ADAMTS7: variants seen among roughly 807,000 people sequenced by gnomAD.
ADAMTS7 encodes A disintegrin and metalloproteinase with thrombospondin motifs 7.
Under a neutral mutation model 172.6 loss-of-function variants are expected in ADAMTS7, and 89 were observed. The ratio of observed to expected loss-of-function variants is 0.52; its 90% CI spans 0.43 to 0.61. ADAMTS7 has a LOEUF of 0.61. Among genes scored for constraint, ADAMTS7 ranks in the 20% least tolerant of loss-of-function variants. ADAMTS7 has a pLI of 0.00. For missense variants in ADAMTS7, 1,973 were observed against 2,355.6 expected (o/e 0.84, Z 3.36); for synonymous variants, 885 against 978.4 (o/e 0.90, Z 1.78).
chr15:78,777,617 G>A (rs1456487991), intron 8 of ADAMTS7, 29 bp from the exon 9 acceptor site: 2 of 1,586,864 alleles, frequency 1.3e-6, no homozygotes, highest in Non-Finnish European at 1.7e-6. Context: ...GATGGAGGGG[G>A]GCGCAGCCTG....
intron 23 of ADAMTS7, 167 bp downstream of exon 23, chr15:78,762,236 A>G (rs1387299706): frequency 1.3e-6 from 1 of 766,210 alleles, no homozygotes; most frequent in Non-Finnish European, 1.6e-6. Context: ...AGCCTCCAGC[A>G]TGGCATCCTG....
rs763399654 is a variant in ADAMTS7, at chr15:78,766,556, C to A, written c.3355G>T (p.Ala1119Ser). 22 of 1,601,538 alleles carry A rather than the reference C, an allele frequency of 1.4e-5. No individual in the cohort carries two copies. The Admixed American group carries it at 2.9e-4, about 21-fold the overall frequency. ...GGTCCCAGTACCCCCTCCTCCTTGG[C>A]TGCAGGAGGCTCTGTGGCAGGCACG... ...SPVPATEPPAAKEEGVLGPWS... is the reference protein window; with the variant it reads ...SPVPATEPPASKEEGVLGPWS... Residue 1119 changes from alanine (A) to serine (S), a missense_variant, in exon 19 of 24, where the codon GCC becomes TCC. Around this residue, in one of 8 missense-constraint regions of ADAMTS7, gnomAD observed 771 missense variants for 952.6 expected, o/e 0.81. Transcript: ENST00000388820.
rs1363055055 is a variant in ADAMTS7 at position 78,771,316 on chromosome 15, G to C, written c.2377-13C>G. ...CCTGGAACAGCAGCTGGGTGGGCAGGCGGGGGCCCATGAGCACAAGGTGTC... is the reference window on the plus strand; with the variant it reads ...CCTGGAACAGCAGCTGGGTGGGCAGCCGGGGGCCCATGAGCACAAGGTGTC... On this transcript the variant is annotated splice_polypyrimidine_tract_variant and intron_variant, in intron 15 of 23. Coordinates refer to ENST00000388820, the MANE Select transcript of ADAMTS7 (RefSeq NM_014272.5). The surrounding 1 kb of genome is among the most constrained non-coding windows in gnomAD (Gnocchi z 4.9). The C allele has an allele frequency of 1.9e-6, 3 of 1,611,964 alleles. No homozygotes were observed. The African/African-American group carries it at 4.0e-5, about 22-fold the overall frequency.
chr15:78,802,288 TCCCTTTA>T (rs1405939548), intron 1 of ADAMTS7, among the ~76,000 whole-genome samples: 2 of 152,248 alleles, frequency 1.3e-5, no homozygotes, highest in Non-Finnish European at 2.9e-5. Context: ...GTGGAGCTAC[TCCCTTTA>T]GCAGTGCCTG....
intron 1 of ADAMTS7, among the ~76,000 whole-genome samples, chr15:78,805,840 G>C (rs925673415): frequency 6.6e-6 from 1 of 152,022 alleles, no homozygotes; most frequent in Non-Finnish European, 1.5e-5. Flanking sequence ...CAGCATTTTG[G>C]AAGACCGAGG....
intron 4 of ADAMTS7, among the ~76,000 whole-genome samples, chr15:78,796,366 A>G (rs1270444456): frequency 6.6e-6 from 1 of 152,002 alleles, no homozygotes; most frequent in African/African-American, 2.4e-5. Context: ...ATGACACCCT[A>G]TGGTGTCCCC....
intron 8 of ADAMTS7, among the ~76,000 whole-genome samples, chr15:78,781,405 G>A (rs2055426503): frequency 6.6e-6 from 1 of 152,182 alleles, no homozygotes; most frequent in Non-Finnish European, 1.5e-5. Context: ...AGGTGAAAGT[G>A]TGAAAGGACC....
At position 78,796,803 on chromosome 15, in the gene ADAMTS7, G is replaced by C; in HGVS notation, c.623-17C>G. 2 of 1,596,202 alleles carry C rather than the reference G, an allele frequency of 1.3e-6. No homozygotes were observed. The highest frequency in any genetic ancestry group is 1.7e-6 in the Non-Finnish European group (2 of 1,174,420). ...CTGGGTACACTGGAGGCCCAGATGGGGTGGAGTTAGCTGCCAGTGGACAGG... is the reference window on the plus strand; with the variant it reads ...CTGGGTACACTGGAGGCCCAGATGGCGTGGAGTTAGCTGCCAGTGGACAGG... On this transcript the variant is annotated splice_polypyrimidine_tract_variant and intron_variant, in intron 3 of 23. Transcript: ENST00000388820.
At chr15:78,795,753 A>G (rs1368357195) in intron 4 of ADAMTS7, among the ~76,000 whole-genome samples, 4 of 152,214 alleles carry the variant, frequency 2.6e-5, no homozygotes, top group African/African-American at 9.7e-5. Flanking sequence ...CCAGGGGCAG[A>G]GATCTTTCCT....
rs922620026 is a variant in ADAMTS7 at position 78,781,499 on chromosome 15, G to A, written c.1323-3911C>T. Among the ~76,000 whole-genome samples, 4 of 152,106 alleles carry A rather than the reference G, an allele frequency of 2.6e-5. No individual in the cohort carries two copies. The East Asian group carries it at 5.8e-4, about 22-fold the overall frequency. On this transcript the variant is annotated intron_variant, in intron 8 of 23. Coordinates refer to ENST00000388820, the MANE Select transcript of ADAMTS7 (RefSeq NM_014272.5). The stretch of plus-strand genomic sequence containing the variant: ...GCTCTGCTTCTGTCTGGTTCTCCCC[G>A]GTGCCAAGGCTCTGGGAGGCCCCGG...
At chr15:78,763,247 C>T (rs1208871024) in intron 22 of ADAMTS7, among the ~76,000 whole-genome samples, 1 of 152,206 alleles carries the variant, frequency 6.6e-6, no homozygotes, top group African/African-American at 2.4e-5. Flanking sequence ...GACTCCAGGA[C>T]CCAGCTCAGG....
Position 78,790,560 on chromosome 15 carries a change from C to G in ADAMTS7, c.1028+110G>C, listed in dbSNP as rs2055564391. 2.7e-6 allele frequency: 4 copies of G among 1,473,074 alleles called. No homozygotes were observed. The South Asian group carries it at 5.2e-5, about 19-fold the overall frequency. 91.3% of individuals were successfully genotyped at this position (1,473,074 alleles called of 1,614,324 possible). On this transcript the variant is annotated intron_variant, in intron 6 of 23. Transcript: ENST00000388820. ...GGGCCAAAGGTGCGCAAACTCTCCT[C>G]AAAATTGGGCTCCCTGACAGCACGG...
At position 78,776,197 on chromosome 15, in the gene ADAMTS7, G is replaced by A. The variant is rs374871168; in HGVS notation, c.1697C>T (p.Thr566Met). 30 of 1,610,442 alleles carry A rather than the reference G, an allele frequency of 1.9e-5. No individual in the cohort carries two copies. Among genetic ancestry groups the A allele is most frequent in the East Asian group, 6.7e-5 (3 of 44,856 alleles). ...TGGGCCCCACACTCACGTAGGCTGC[G>A]TGCACTGCCGCTCGGCGCTCTGTAC... ...MGVQSAERQCTQPTPKYKGRY... is the reference protein window; with the variant it reads ...MGVQSAERQCMQPTPKYKGRY... The change falls in exon 11 of 24, where the codon ACG (threonine) becomes ATG (methionine). Residue 566 changes from threonine (T) to methionine (M), a missense_variant. This residue lies in a region of ADAMTS7 where 526 missense variants were observed against 662.9 expected (regional missense o/e 0.79). Coordinates refer to ENST00000388820, the MANE Select transcript of ADAMTS7 (RefSeq NM_014272.5).
intron 4 of ADAMTS7, among the ~76,000 whole-genome samples, chr15:78,796,054 C>A (rs2055639231): frequency 6.6e-6 from 1 of 152,344 alleles, no homozygotes; most frequent in African/African-American, 2.4e-5. Context: ...GCCCAGTTCA[C>A]AGATGAGCAG....
rs529497330 is a variant in ADAMTS7, at chr15:78,766,602, A to T, written c.3309T>A (p.Ala1103=). The change falls in exon 19 of 24, where the codon GCT becomes GCA. Residue 1103 remains alanine, a synonymous_variant. Transcript: ENST00000388820. ...DRTPPPHSHP[A]APSTGSPVPA... ...GCACGGGGCTACCCGTGGAGGGCGCAGCAGGATGGCTGTGTGGTGGGGGTG... is the reference window on the plus strand; with the variant it reads ...GCACGGGGCTACCCGTGGAGGGCGCTGCAGGATGGCTGTGTGGTGGGGGTG... 44,023 of 1,603,356 alleles carry T rather than the reference A, an allele frequency of 0.027. 3,415 individuals are homozygous for T. The African/African-American group carries it at 0.3, about 11-fold the overall frequency.
Position 78,759,457 on chromosome 15 carries a change from G to T in ADAMTS7, c.5025C>A (p.Ala1675=), listed in dbSNP as rs372024645. Residue 1675 remains alanine, a synonymous_variant, in exon 24 of 24, where the codon GCC becomes GCA. Transcript: ENST00000388820. The stretch of plus-strand genomic sequence containing the variant: ...CAACCCGCTGATGGCCTCGGGAGGG[G>T]GCGCCGTGGCTGGGCGGAGAGCACG... ...CRSCSPPSHG[A]PSRGHQRVAR... 9.4e-6 allele frequency: 15 copies of T among 1,596,282 alleles called. No individual in the cohort carries two copies. The highest frequency in any genetic ancestry group is 1.3e-5 in the Non-Finnish European group (15 of 1,177,116).
intron 4 of ADAMTS7, 58 bp from the exon 5 acceptor site, chr15:78,791,281 T>C: frequency 3.3e-6 from 5 of 1,498,204 alleles, no homozygotes; most frequent in Non-Finnish European, 4.5e-6. Context: ...AAGCAGCCAA[T>C]GCCCACCCCA....
intron 1 of ADAMTS7, among the ~76,000 whole-genome samples, chr15:78,809,063 A>G (rs2055832168): frequency 6.6e-6 from 1 of 152,160 alleles, no homozygotes; most frequent in Non-Finnish European, 1.5e-5. Flanking sequence ...GGTGGGGGGT[A>G]GTATGTGAAT....
Position 78,800,433 on chromosome 15 carries a change from A to G in ADAMTS7, c.215T>C (p.Val72Ala), listed in dbSNP as rs1394776629. 1.9e-6 allele frequency: 3 copies of G among 1,610,868 alleles called. No homozygotes were observed. Among genetic ancestry groups the G allele is most frequent in the East Asian group, 4.5e-5 (2 of 44,836 alleles). The change falls in exon 2 of 24, where the codon GTA becomes GCA. Residue 72 changes from valine to alanine, a missense_variant. Val to Ala is a moderately conservative substitution (Grantham distance 64). Coordinates refer to ENST00000388820, the MANE Select transcript of ADAMTS7 (RefSeq NM_014272.5). ...GGCGGGCGCGTCTCGGCGCACAGAT[A>G]CATCCCGCTTGCGCAGTGCGCGGGG... ...LWPRALRKRDVSVRRDAPAFY... is the reference protein window; with the variant it reads ...LWPRALRKRDASVRRDAPAFY...
Sources: gnomAD v4.1 joint callset for allele counts (sites outside exome capture counted in the v4.1 genomes callset) on GRCh38, gnomAD v4.1.1 for gene constraint, gnomAD v4.1.1 regional missense constraint, Gnocchi (gnomAD v3.1) non-coding constraint, MANE v1.5 for transcripts, NCBI Gene and HGNC (gene_info 2026-07-23, HGNC 2026-07-21) for gene names.